DOK6: variants seen among roughly 807,000 people sequenced by gnomAD.
DOK6 encodes the protein docking protein 6, also known as downstream of tyrosine kinase 6.
A neutral mutation model predicts 44.0 loss-of-function variants in DOK6; 22 were observed. The observed-to-expected ratio is 0.50, with a 90% CI of 0.36 to 0.71. The LOEUF is 0.71. Among genes scored for constraint, DOK6 ranks in the 30% least tolerant of loss-of-function variants. DOK6 has a pLI of 0.00. For synonymous variants in DOK6, 166 were observed against 145.5 expected (o/e 1.14, Z -1.01); for missense variants, 340 against 416.4 (o/e 0.82, Z 1.60).
At position 69,596,551 on chromosome 18, in the gene DOK6, C is replaced by T. The variant is rs536585208; in HGVS notation, c.175-2833C>T. Among the ~76,000 whole-genome samples, 16 of 152,192 alleles carry T rather than the reference C, an allele frequency of 1.1e-4. No individual in the cohort carries two copies. The South Asian group carries it at 3.3e-3, about 32-fold the overall frequency. Reference sequence around the variant, plus strand: ...TTAACATCTGACTTCTCACTAAAAACACTGTAGACTGGAAGGCAGTGGAAA... The same window carrying T: ...TTAACATCTGACTTCTCACTAAAAATACTGTAGACTGGAAGGCAGTGGAAA... On this transcript the variant is annotated intron_variant, in intron 2 of 7. Transcript: ENST00000382713.
chr18:69,414,747 T>C (rs1978321382), intron 1 of DOK6, among the ~76,000 whole-genome samples: 1 of 152,064 alleles, frequency 6.6e-6, no homozygotes, highest in East Asian at 1.9e-4. Flanking sequence ...ATAAAGAGCA[T>C]GCAGGGTTGT....
intron 1 of DOK6, among the ~76,000 whole-genome samples, chr18:69,446,553 A>G (rs188079000): frequency 1.7e-3 from 254 of 152,150 alleles, no homozygotes; most frequent in African/African-American, 5.5e-3. Context: ...ATGATTTATA[A>G]TCCTTTGGGT....
At chr18:69,475,996 A>G (rs1028688981) in intron 1 of DOK6, among the ~76,000 whole-genome samples, 2 of 146,808 alleles carry the variant, frequency 1.4e-5, no homozygotes, top group African/African-American at 5.0e-5. Context: ...ATCACCCAGT[A>G]AGCATAGTAC....
At chr18:69,665,396 G>A (rs545219005) in intron 3 of DOK6, among the ~76,000 whole-genome samples, 71 of 152,156 alleles carry the variant, frequency 4.7e-4, no homozygotes, top group African/African-American at 1.7e-3. Context: ...GTGGAATGAG[G>A]TATTTGATTA....
At chr18:69,492,313 A>C (rs1005207955) in intron 1 of DOK6, among the ~76,000 whole-genome samples, 1 of 152,200 alleles carries the variant, frequency 6.6e-6, no homozygotes, top group African/African-American at 2.4e-5. Flanking sequence ...AGCAAAGAAC[A>C]ATATTGCTTC....
intron 1 of DOK6, among the ~76,000 whole-genome samples, chr18:69,402,594 C>A (rs879380144): frequency 6.6e-6 from 1 of 152,164 alleles, no homozygotes; most frequent in Non-Finnish European, 1.5e-5. Flanking sequence ...CTTGGTGCTG[C>A]CTCTGCTGGG....
chr18:69,437,315 T>C (rs1330562247), intron 1 of DOK6, among the ~76,000 whole-genome samples: 1 of 152,230 alleles, frequency 6.6e-6, no homozygotes, highest in African/African-American at 2.4e-5. Flanking sequence ...TTTTAATCCA[T>C]TTTGAGTTAA....
chr18:69,516,236 G>A (rs1981518534), intron 1 of DOK6, among the ~76,000 whole-genome samples: 3 of 144,730 alleles, frequency 2.1e-5, no homozygotes. Flanking sequence ...TGGGAGTTAA[G>A]AAGATCCTTT....
chr18:69,818,093 T>A (rs1358545475), intron 7 of DOK6, among the ~76,000 whole-genome samples: 2 of 152,128 alleles, frequency 1.3e-5, no homozygotes, highest in Non-Finnish European at 2.9e-5. Flanking sequence ...CCCTTCAAGT[T>A]TAGAACCCAG....
intron 5 of DOK6, among the ~76,000 whole-genome samples, chr18:69,736,032 G>C (rs1251575088): frequency 1.3e-5 from 2 of 152,148 alleles, no homozygotes; most frequent in African/African-American, 4.8e-5. Flanking sequence ...TTGATCCCCA[G>C]TTGTCCTCCT....
intron 1 of DOK6, among the ~76,000 whole-genome samples, chr18:69,543,844 T>G (rs1488476881): frequency 6.6e-6 from 1 of 151,498 alleles, no homozygotes; most frequent in East Asian, 1.9e-4. Flanking sequence ...TTATAAAGCA[T>G]GTACATTTTT....
intron 1 of DOK6, among the ~76,000 whole-genome samples, chr18:69,554,535 C>T (rs1982642059): frequency 6.6e-6 from 1 of 152,164 alleles, no homozygotes; most frequent in South Asian, 2.1e-4. Context: ...TTGATTGCTG[C>T]CTAGTATTCA....
chr18:69,677,021 A>G (rs1053426220), intron 3 of DOK6, among the ~76,000 whole-genome samples: 2 of 152,194 alleles, frequency 1.3e-5, no homozygotes, highest in South Asian at 4.1e-4. Context: ...GAATTTTCCA[A>G]AGAGAAGAGA....
chr18:69,569,557 A>C (rs538442926), intron 2 of DOK6, among the ~76,000 whole-genome samples: 2 of 152,346 alleles, frequency 1.3e-5, no homozygotes, highest in South Asian at 4.1e-4. Flanking sequence ...GGAAAAGAAA[A>C]TCAGCAAATG....
In DOK6 at chr18:69,847,587, T is replaced by C. The variant is rs967938843; in HGVS notation, c.*6204T>C. 6.6e-6 allele frequency: 1 copy of C among 152,134 alleles called. No homozygotes were observed. Among genetic ancestry groups the C allele is most frequent in the African/African-American group, 2.4e-5 (1 of 41,426 alleles). The allele number at this position is 152,134 out of a possible 1,614,324, so 9.4% of individuals were successfully genotyped here. ...TGGTTGAGAAAGTAGTTCCAGATCATTAACTATTTTACAGAGGGACTGAAA... is the reference window on the plus strand; with the variant it reads ...TGGTTGAGAAAGTAGTTCCAGATCACTAACTATTTTACAGAGGGACTGAAA... On this transcript the variant is annotated 3_prime_UTR_variant, in exon 8 of 8. Transcript: ENST00000382713.
chr18:69,422,503 C>T (rs1013737504), intron 1 of DOK6, among the ~76,000 whole-genome samples: 6 of 152,200 alleles, frequency 3.9e-5, no homozygotes, highest in African/African-American at 1.4e-4. Flanking sequence ...GTAGATATTT[C>T]TGTTAACACT....
intron 1 of DOK6, among the ~76,000 whole-genome samples, chr18:69,511,416 G>A (rs1981361665): frequency 6.6e-6 from 1 of 152,086 alleles, no homozygotes; most frequent in Non-Finnish European, 1.5e-5. Context: ...ACTTGCCTAG[G>A]AAATAAGGGT....
chr18:69,744,617 TAA>T (rs1491507392), intron 6 of DOK6, among the ~76,000 whole-genome samples: 1 of 152,078 alleles, frequency 6.6e-6, no homozygotes, highest in Non-Finnish European at 1.5e-5. Flanking sequence ...AAATTTAGTC[TAA>T]ACAACAACAA....
intron 7 of DOK6, among the ~76,000 whole-genome samples, chr18:69,758,493 C>G (rs1369109289): frequency 6.7e-6 from 1 of 148,654 alleles, no homozygotes; most frequent in African/African-American, 2.5e-5. Context: ...TTTTTTTTTA[C>G]TAACAGCAGC....
Sources: gnomAD v4.1 joint callset for allele counts (sites outside exome capture counted in the v4.1 genomes callset) on GRCh38, gnomAD v4.1.1 for gene constraint, MANE v1.5 for transcripts, NCBI Gene and HGNC (gene_info 2026-07-23, HGNC 2026-07-21) for gene names.